Variants in NLGN1 observed in about 807,000 individuals in gnomAD.
The protein encoded by NLGN1 is neuroligin-1.
NLGN1 carries 12 observed loss-of-function variants against 65.5 expected under a neutral mutation model. The ratio of observed to expected loss-of-function variants is 0.18; its 90% CI spans 0.12 to 0.30. The LOEUF (loss-of-function observed/expected upper bound fraction) is 0.30, where lower values mean the gene tolerates loss of function less well. NLGN1 is among the 10% of genes least tolerant of loss of function. The probability of loss-of-function intolerance (pLI) is 1.00; values close to 1 mark genes in which losing one functional copy is unlikely to be tolerated. For synonymous variants in NLGN1, 350 were observed against 359.5 expected, an observed-to-expected ratio of 0.97 and a Z score of 0.30; for missense variants, 750 against 1,007.1, an observed-to-expected ratio of 0.74 and a Z score of 3.46.
intron 2 of NLGN1, among the ~76,000 whole-genome samples, chr3:173,496,733 C>T (rs376905538): frequency 1.3e-5 from 2 of 151,686 alleles, no homozygotes; most frequent in African/African-American, 4.9e-5. Flanking sequence ...GATGGATTTA[C>T]CTAATTAATA....
intron 2 of NLGN1, among the ~76,000 whole-genome samples, chr3:173,594,481 T>C (rs1749104486): frequency 1.3e-5 from 2 of 152,202 alleles, no homozygotes. Flanking sequence ...CCCTGTGGCT[T>C]TGCAGGGTCC....
intron 4 of NLGN1, among the ~76,000 whole-genome samples, chr3:174,019,804 C>T (rs4894458): frequency 0.4 from 61,039 of 151,884 alleles, 12,754 homozygotes; most frequent in Non-Finnish European, 0.45. Context: ...CATAGTTACG[C>T]ACTAGAACAA....
intron 3 of NLGN1, chr3:173,644,460 A>C (rs1215669362): frequency 1.9e-5 from 3 of 158,638 alleles, no homozygotes; most frequent in Non-Finnish European, 2.9e-5. Flanking sequence ...CCTCATCTAC[A>C]CGCTTTGGCT....
At chr3:173,878,734 T>C (rs1348618532) in intron 4 of NLGN1, among the ~76,000 whole-genome samples, 2 of 146,942 alleles carry the variant, frequency 1.4e-5, no homozygotes, top group African/African-American at 2.5e-5. Flanking sequence ...ATATTTAACC[T>C]ACTGTGCTTC....
chr3:174,066,250 T>A (rs1738523142), intron 4 of NLGN1, among the ~76,000 whole-genome samples: 1 of 152,084 alleles, frequency 6.6e-6, no homozygotes. Context: ...TTCTTCTGTT[T>A]CCCTCATTTA....
At chr3:173,772,048 G>A (rs1005798587) in intron 3 of NLGN1, among the ~76,000 whole-genome samples, 1 of 151,760 alleles carries the variant, frequency 6.6e-6, no homozygotes, top group Non-Finnish European at 1.5e-5. Context: ...GACCAGAGAC[G>A]GAACAAAACC....
chr3:173,743,564 C>G (rs1176061606), intron 3 of NLGN1, among the ~76,000 whole-genome samples: 1 of 152,118 alleles, frequency 6.6e-6, no homozygotes, highest in Non-Finnish European at 1.5e-5. Context: ...AAAAACAGGA[C>G]ATTTTCTTTT....
At chr3:173,983,701 C>A (rs150051969) in intron 4 of NLGN1, among the ~76,000 whole-genome samples, 60 of 152,258 alleles carry the variant, frequency 3.9e-4, no homozygotes, top group African/African-American at 1.4e-3. Flanking sequence ...TTCCAACTTT[C>A]TCATGAATGG....
chr3:174,106,861 C>A (rs1713936225), intron 4 of NLGN1, among the ~76,000 whole-genome samples: 1 of 151,860 alleles, frequency 6.6e-6, no homozygotes, highest in Non-Finnish European at 1.5e-5. Context: ...AGAGAATTCA[C>A]CCTTTCTCCT....
chr3:173,426,602 G>A (rs1577398220), intron 1 of NLGN1, among the ~76,000 whole-genome samples: 1 of 151,834 alleles, frequency 6.6e-6, no homozygotes, highest in East Asian at 1.9e-4. Flanking sequence ...TTGTCCTTCA[G>A]TCTGTTCATG....
intron 2 of NLGN1, among the ~76,000 whole-genome samples, chr3:173,460,936 A>G (rs1426310809): frequency 1.3e-5 from 2 of 152,082 alleles, no homozygotes; most frequent in Non-Finnish European, 2.9e-5. Context: ...CCACTCAGCA[A>G]TCTTGCATGG....
In NLGN1 at chr3:174,279,450, G is replaced by C. The variant is rs370462767; in HGVS notation, c.1449G>C (p.Thr483=). 2 of 1,613,214 alleles carry C rather than the reference G, an allele frequency of 1.2e-6. No individual in the cohort carries two copies. Among genetic ancestry groups the C allele is most frequent in the Non-Finnish European group, 1.7e-6 (2 of 1,179,536 alleles). Residue 483 remains threonine (T), a synonymous_variant, in exon 6 of 7, where the codon ACG becomes ACC. Transcript: ENST00000457714. This position sits in a 1 kb window ranked among gnomAD's most constrained non-coding sequence, Gnocchi z 4.7. ...TTCACTCAAACTTTGGTTCACCTAC[G>C]TACTTCTATGCCTTTTACCATCATT...
chr3:173,507,287 A>T (rs980200080), intron 2 of NLGN1, among the ~76,000 whole-genome samples: 3 of 152,040 alleles, frequency 2.0e-5, no homozygotes, highest in Non-Finnish European at 4.4e-5. Flanking sequence ...TGTCACACTG[A>T]GAGTGGAGGA....
chr3:173,762,991 C>CAT (rs1247971937), intron 3 of NLGN1, among the ~76,000 whole-genome samples: 6 of 151,698 alleles, frequency 4.0e-5, no homozygotes, highest in Non-Finnish European at 7.4e-5. Context: ...CACACACACA[C>CAT]ACACACACAG....
Position 174,008,149 on chromosome 3 carries a change from C to A in NLGN1, c.646+200317C>A, listed in dbSNP as rs1724825437. On this transcript the variant is annotated intron_variant, in intron 4 of 6. Transcript: ENST00000457714. ...TGCAACAGCAAAGTTTGTGGTTTAG[C>A]TGTGCCTCTGTTCCATTTCTTCTTC... 2.0e-5 allele frequency among the ~76,000 whole-genome samples: 3 copies of A among 152,140 alleles called. 1 individual carries two copies. The South Asian group carries it at 6.2e-4, about 31-fold the overall frequency.
At chr3:173,651,683 GT>G (rs1369575352) in intron 3 of NLGN1, among the ~76,000 whole-genome samples, 1 of 151,928 alleles carries the variant, frequency 6.6e-6, no homozygotes, top group African/African-American at 2.4e-5. Context: ...CCTCATTGTG[GT>G]TTTAGTTTGC....
intron 4 of NLGN1, among the ~76,000 whole-genome samples, chr3:173,956,293 A>G (rs1350645207): frequency 1.3e-5 from 2 of 152,194 alleles, no homozygotes; most frequent in African/African-American, 4.8e-5. Flanking sequence ...AACCAAAGGA[A>G]GCAAGAGAAG....
chr3:173,539,683 CATAT>C (rs1169664608), intron 2 of NLGN1, among the ~76,000 whole-genome samples: 2 of 100,268 alleles, frequency 2.0e-5, no homozygotes, highest in African/African-American at 3.8e-5. Flanking sequence ...ATATAACATA[CATAT>C]ATGTACATAT....
At chr3:173,703,626 C>T (rs2149896643) in intron 3 of NLGN1, among the ~76,000 whole-genome samples, 1 of 152,276 alleles carries the variant, frequency 6.6e-6, no homozygotes, top group Admixed American at 6.5e-5. Flanking sequence ...TAAAATGTCA[C>T]TCCTGAATTC....
Sources: allele counts gnomAD v4.1 joint callset (sites outside exome capture counted in the v4.1 genomes callset), GRCh38; gene constraint gnomAD v4.1.1; non-coding constraint Gnocchi (gnomAD v3.1); transcripts MANE v1.5; gene names NCBI Gene and HGNC (gene_info 2026-07-23, HGNC 2026-07-21).